The following RANBP2 variants were observed in gnomAD, a reference collection of about 807,000 sequenced individuals.
RANBP2 encodes E3 SUMO-protein ligase RanBP2.
RANBP2 carries 57 observed loss-of-function variants against 303.6 expected under a neutral mutation model. The observed-to-expected ratio is 0.19, with a 90% confidence interval of 0.15 to 0.23. The LOEUF (loss-of-function observed/expected upper bound fraction) is 0.23. Ranked by LOEUF, RANBP2 falls within the 10% of genes least tolerant of loss-of-function variation. RANBP2 has a pLI of 1.00. For missense variants in RANBP2, 3,138 were observed against 3,780.8 expected (o/e 0.83, Z 4.46); for synonymous variants, 1,167 against 1,301.5 (o/e 0.90, Z 2.23).
the RANBP2 span, chr2:109,737,103 G>A: frequency 3.3e-6 from 4 of 1,211,612 alleles, no homozygotes; most frequent in Non-Finnish European, 4.4e-6. Flanking sequence ...TTTTATTCAA[G>A]AACTCATACA....
the RANBP2 span, among the ~76,000 whole-genome samples, chr2:109,705,552 C>T: frequency 0.012 from 1,766 of 152,344 alleles, 21 homozygotes; most frequent in Non-Finnish European, 0.017. Context: ...AAAGCTTGCT[C>T]TGGCTCAGTC....
chr2:109,171,169 A>G, the RANBP2 span, among the ~76,000 whole-genome samples: 1 of 152,138 alleles, frequency 6.6e-6, no homozygotes. Flanking sequence ...ATATATATGT[A>G]CATTTTTTGG....
chr2:109,711,043 G>T, the RANBP2 span, among the ~76,000 whole-genome samples: 1 of 151,918 alleles, frequency 6.6e-6, no homozygotes, highest in Non-Finnish European at 1.5e-5. Flanking sequence ...TTCAAATGCT[G>T]TCTGTAAGCT....
At chr2:109,159,611 A>T in the RANBP2 span, among the ~76,000 whole-genome samples, 1 of 152,224 alleles carries the variant, frequency 6.6e-6, no homozygotes, top group South Asian at 2.1e-4. Context: ...ATGGACTGAT[A>T]CCAGTCTGTG....
intron 4 of RANBP2, among the ~76,000 whole-genome samples, chr2:108,735,141 G>A (rs1382392484): frequency 6.6e-6 from 1 of 152,196 alleles, no homozygotes; most frequent in Non-Finnish European, 1.5e-5. Context: ...CAGAACAGTG[G>A]GAGGAGAGGG....
the RANBP2 span, among the ~76,000 whole-genome samples, chr2:109,390,792 C>T: frequency 9.9e-5 from 15 of 152,180 alleles, no homozygotes; most frequent in African/African-American, 3.1e-4. Flanking sequence ...GGTCGCTTCC[C>T]GGGCTACCCA....
the RANBP2 span, among the ~76,000 whole-genome samples, chr2:109,635,488 A>G: frequency 2.0e-5 from 3 of 152,074 alleles, no homozygotes; most frequent in Non-Finnish European, 1.5e-5. Flanking sequence ...CAGCTAGCAT[A>G]TTGTATTTTA....
At chr2:109,436,304 G>A in the RANBP2 span, among the ~76,000 whole-genome samples, 1 of 152,206 alleles carries the variant, frequency 6.6e-6, no homozygotes, top group African/African-American at 2.4e-5. Context: ...AGCGTGAAAA[G>A]CCCCATTTCC....
chr2:108,983,861 G>C, the RANBP2 span, among the ~76,000 whole-genome samples: 3,176 of 152,268 alleles, frequency 0.021, 105 homozygotes, highest in East Asian at 0.093. Flanking sequence ...CCATCAGAGA[G>C]CCACTGCGTC....
the RANBP2 span, among the ~76,000 whole-genome samples, chr2:109,655,497 G>A: frequency 2.6e-5 from 4 of 152,166 alleles, no homozygotes; most frequent in Non-Finnish European, 5.9e-5. Context: ...AAGAGGATGG[G>A]AGGGGAGCAA....
the RANBP2 span, among the ~76,000 whole-genome samples, chr2:109,647,268 A>G: frequency 2.1e-5 from 3 of 146,210 alleles, no homozygotes; most frequent in Non-Finnish European, 3.0e-5. Flanking sequence ...GGTTCAAGCG[A>G]TTCTTCTGCC....
the RANBP2 span, among the ~76,000 whole-genome samples, chr2:109,295,355 C>T: frequency 6.6e-6 from 1 of 152,242 alleles, no homozygotes; most frequent in Non-Finnish European, 1.5e-5. Flanking sequence ...TCAAGTCACA[C>T]AGCTGGTGAG....
At chr2:109,549,425 G>T in the RANBP2 span, among the ~76,000 whole-genome samples, 1 of 152,068 alleles carries the variant, frequency 6.6e-6, no homozygotes, top group African/African-American at 2.4e-5. Flanking sequence ...CAAGGGGGCA[G>T]GGAAGTGTGA....
chr2:109,137,215 T>A, the RANBP2 span, among the ~76,000 whole-genome samples: 1 of 152,220 alleles, frequency 6.6e-6, no homozygotes, highest in Non-Finnish European at 1.5e-5. Flanking sequence ...GCTTAGTGAG[T>A]TTGCAGTGGG....
At chr2:109,612,296 TAAG>T in the RANBP2 span, among the ~76,000 whole-genome samples, 1 of 152,188 alleles carries the variant, frequency 6.6e-6, no homozygotes, top group Non-Finnish European at 1.5e-5. Flanking sequence ...TGTCTGGGGT[TAAG>T]AAGGAGGCAG....
chr2:108,911,226 TC>T, the RANBP2 span, among the ~76,000 whole-genome samples: 1 of 151,868 alleles, frequency 6.6e-6, no homozygotes, highest in Non-Finnish European at 1.5e-5. Context: ...GAGAACCAAA[TC>T]CTCCGCGCTG....
the RANBP2 span, among the ~76,000 whole-genome samples, chr2:109,046,004 A>G: frequency 2.0e-5 from 3 of 152,072 alleles, no homozygotes; most frequent in Non-Finnish European, 4.4e-5. Flanking sequence ...ATATTAATTT[A>G]TATTTTAAAA....
the RANBP2 span, among the ~76,000 whole-genome samples, chr2:109,591,934 T>A: frequency 0.13 from 20,502 of 152,004 alleles, 1,869 homozygotes; most frequent in African/African-American, 0.26. Context: ...ACTTACTGAA[T>A]TACCTATGTT....
chr2:108,906,806 T>G, the RANBP2 span, among the ~76,000 whole-genome samples: 2 of 152,214 alleles, frequency 1.3e-5, no homozygotes, highest in African/African-American at 4.8e-5. Flanking sequence ...CCCGGGGCCA[T>G]GGCCACCTAT....
Sources: gnomAD v4.1 joint callset for allele counts (sites outside exome capture counted in the v4.1 genomes callset) on GRCh38, gnomAD v4.1.1 for gene constraint, MANE v1.5 for transcripts, NCBI Gene and HGNC (gene_info 2026-07-23, HGNC 2026-07-21) for gene names.